The following FSD1 variants were observed in gnomAD, a reference collection of about 807,000 sequenced individuals.
FSD1 encodes the protein fibronectin type III and SPRY domain containing 1.
FSD1 carries 23 observed loss-of-function variants against 58.2 expected under a neutral mutation model. That is an observed-to-expected ratio of 0.40 (90% CI 0.28 to 0.56). The LOEUF is 0.56. Among genes scored for constraint, FSD1 ranks in the 20% least tolerant of loss-of-function variants. FSD1 has a pLI of 0.54. For synonymous variants in FSD1, 265 were observed against 263.4 expected, an observed-to-expected ratio of 1.01 and a Z score of -0.06; for missense variants, 563 against 670.8, an observed-to-expected ratio of 0.84 and a Z score of 1.78.
At position 4,308,726 on chromosome 19, in the gene FSD1, C is replaced by T. The variant is rs547250121; in HGVS notation, c.345+743C>T. Reference sequence around the variant, plus strand: ...CAAATAAATTAGCCGGGCGTGGTGGCGGGCACCTGTAGTTCCAGCTACTCG... The same window carrying T: ...CAAATAAATTAGCCGGGCGTGGTGGTGGGCACCTGTAGTTCCAGCTACTCG... On this transcript the variant is annotated intron_variant, in intron 4 of 12. Transcript: ENST00000221856. Among the ~76,000 whole-genome samples the T allele has an allele frequency of 6.5e-4, 99 of 151,936 alleles. 2 individuals carry two copies. Among genetic ancestry groups the T allele is most frequent in the South Asian group, 3.1e-3 (15 of 4,800 alleles).
At position 4,318,930 on chromosome 19, in the gene FSD1, G is replaced by T; in HGVS notation, c.1018G>T (p.Ala340Ser). The change falls in exon 10 of 13, where the codon GCT (alanine) becomes TCT (serine). Residue 340 changes from alanine to serine, a missense_variant. Ala to Ser is a moderately conservative substitution (Grantham distance 99, BLOSUM62 1). Transcript: ENST00000221856. ...TCGTGGGGGACGGGACCGCTTCACC[G>T]CTGAGTCCTACACAGTTCTGGGTAA... Reference protein sequence around the residue: ...SGRGGRDRFTAESYTVLGDTL... With the variant: ...SGRGGRDRFTSESYTVLGDTL... 6.2e-7 allele frequency: 1 copy of T among 1,613,358 alleles called. No homozygotes were observed.
In FSD1 at chr19:4,306,232, C is replaced by T; in HGVS notation, c.146C>T (p.Ala49Val). Residue 49 changes from alanine to valine, a missense_variant, in exon 3 of 13, where the codon GCA becomes GTA. Transcript: ENST00000221856. ...NSAKVQEDLE[A>V]EFQSLFSLLE... The stretch of plus-strand genomic sequence containing the variant: ...GCGAAGGTGCAGGAGGACCTCGAAG[C>T]AGAGTTCCAGTCCCTCTTCTCCCTC... 6.2e-7 allele frequency: 1 copy of T among 1,614,010 alleles called. No homozygotes were observed. Among genetic ancestry groups the T allele is most frequent in the Non-Finnish European group, 8.5e-7 (1 of 1,179,942 alleles).
intron 7 of FSD1, among the ~76,000 whole-genome samples, chr19:4,314,543 G>A (rs1971732180): frequency 6.7e-6 from 1 of 150,348 alleles, no homozygotes; most frequent in Non-Finnish European, 1.5e-5. Flanking sequence ...CTGGAGTGCA[G>A]TGGCCTGATC....
At chr19:4,319,424 T>A (rs1334887102) in intron 10 of FSD1, among the ~76,000 whole-genome samples, 3 of 152,084 alleles carry the variant, frequency 2.0e-5, no homozygotes, top group Non-Finnish European at 4.4e-5. Flanking sequence ...ATAAGAATGA[T>A]TGGATCCTGT....
At chr19:4,322,781 A>G (rs1232847872) in intron 10 of FSD1, among the ~76,000 whole-genome samples, 1 of 151,856 alleles carries the variant, frequency 6.6e-6, no homozygotes, top group Non-Finnish European at 1.5e-5. Flanking sequence ...ATCTGAAGGG[A>G]ATAGCTGGGG....
In FSD1 at chr19:4,323,326, T is replaced by C. The variant is rs780498419; in HGVS notation, c.1292-22T>C. ...ATCCCACTTCTGACCGGTCCCACTG[T>C]CACTCTGCCCCCCGACCCCAGGCCT... On this transcript the variant is annotated intron_variant, in intron 11 of 12. Transcript: ENST00000221856. The surrounding 1 kb of genome is among the most constrained non-coding windows in gnomAD (Gnocchi z 7.7). 11 of 1,611,332 alleles carry C rather than the reference T, an allele frequency of 6.8e-6. No homozygotes were observed. The Admixed American group carries it at 1.7e-4, about 24-fold the overall frequency.
intron 1 of FSD1, 53 bp from the exon 2 acceptor site, chr19:4,305,893 T>C: frequency 7.7e-7 from 1 of 1,296,064 alleles, no homozygotes; most frequent in African/African-American, 1.5e-5. Context: ...TGTGTACCTG[T>C]GTGCGCACAT....
At position 4,323,050 on chromosome 19, in the gene FSD1, G is replaced by T. The variant is rs575863653; in HGVS notation, c.1104G>T (p.Ala368=). 1 of 1,612,002 alleles carries T rather than the reference G, an allele frequency of 6.2e-7. No homozygotes were observed. The highest frequency in any genetic ancestry group is 2.2e-5 in the East Asian group (1 of 44,876). ...TGCGCTACGAGCCGGACAGCAAGGC[G>T]TTCGGCGTGGGCGTGGCCTACCGCA... is the stretch of plus-strand genomic sequence containing the variant. The part of the protein sequence containing the change: ...WEVRYEPDSK[A]FGVGVAYRSL... The change falls in exon 11 of 13, where the codon GCG becomes GCT. Residue 368 remains alanine (A), a synonymous_variant. Transcript: ENST00000221856. This position sits in a 1 kb window ranked among gnomAD's most constrained non-coding sequence, Gnocchi z 7.7.
intron 10 of FSD1, among the ~76,000 whole-genome samples, chr19:4,320,842 TGAG>T (rs1971806230): frequency 7.7e-6 from 1 of 130,574 alleles, no homozygotes; most frequent in Non-Finnish European, 1.6e-5. Flanking sequence ...TAGCTGGGAC[TGAG>T]GAGTGTCTGG....
chr19:4,318,827 G>C, intron 9 of FSD1, 45 bp from the exon 10 acceptor site: 1 of 1,493,514 alleles, frequency 6.7e-7, no homozygotes, highest in Non-Finnish European at 9.3e-7. Context: ...AGAGAGAAGT[G>C]TTGAACTGAG....
At chr19:4,318,107 G>A (rs1011610979) in intron 8 of FSD1, among the ~76,000 whole-genome samples, 1 of 151,642 alleles carries the variant, frequency 6.6e-6, no homozygotes, top group African/African-American at 2.4e-5. Context: ...TCCATGTTCT[G>A]TCCCCTCTAC....
At chr19:4,319,951 A>G (rs1427692268) in intron 10 of FSD1, among the ~76,000 whole-genome samples, 1 of 152,130 alleles carries the variant, frequency 6.6e-6, no homozygotes, top group Non-Finnish European at 1.5e-5. Context: ...TGGGTGAAGG[A>G]GTAGCTGAGA....
In FSD1 at chr19:4,317,207, G is replaced by T; in HGVS notation, c.726G>T (p.Met242Ile). 1.2e-6 allele frequency: 2 copies of T among 1,611,878 alleles called. No individual in the cohort carries two copies. The highest frequency in any genetic ancestry group is 2.2e-5 in the South Asian group (2 of 91,006). The change falls in exon 8 of 13, where the codon ATG (methionine) becomes ATT (isoleucine). Residue 242 changes from methionine to isoleucine, a missense_variant. Met to Ile is a conservative substitution (Grantham distance 10). Coordinates refer to ENST00000221856, the MANE Select transcript of FSD1 (RefSeq NM_024333.3). Reference protein sequence around the residue: ...LTGLKFDMKYMNFRVKACNKA... With the variant: ...LTGLKFDMKYINFRVKACNKA... ...GTCTCAAGTTTGACATGAAATACAT[G>T]AACTTCCGTGTGAAGGCCTGTAACA...
Position 4,305,935 on chromosome 19 carries a change from T to A in FSD1, c.16-11T>A. On this transcript the variant is annotated splice_polypyrimidine_tract_variant and intron_variant, in intron 1 of 12. Coordinates refer to ENST00000221856, the MANE Select transcript of FSD1 (RefSeq NM_024333.3). Reference sequence around the variant, plus strand: ...GTGCACCTGTGTGTGTCCACACTTCTGGTGGTGCAGGAGGCCCTGAGGAAG... The same window carrying A: ...GTGCACCTGTGTGTGTCCACACTTCAGGTGGTGCAGGAGGCCCTGAGGAAG... The A allele has an allele frequency of 6.2e-7, 1 of 1,608,144 alleles. No individual in the cohort carries two copies.
intron 8 of FSD1, 57 bp downstream of exon 8, chr19:4,317,337 C>T (rs993735323): frequency 5.9e-6 from 6 of 1,023,392 alleles, no homozygotes; most frequent in African/African-American, 3.1e-5. Context: ...CCTCCCACAG[C>T]CCCCAGAGAC....
chr19:4,306,370 A>G (rs1971622464), intron 3 of FSD1, 41 bp downstream of exon 3: 2 of 1,607,494 alleles, frequency 1.2e-6, no homozygotes, highest in South Asian at 1.1e-5. Flanking sequence ...CGCCCCTCCT[A>G]CTCAACAGAA....
chr19:4,312,134 C>T, intron 7 of FSD1, 83 bp downstream of exon 7: 2 of 1,228,880 alleles, frequency 1.6e-6, no homozygotes, highest in Non-Finnish European at 2.3e-6. Context: ...TCACTGGGGG[C>T]CTTGGGGACG....
chr19:4,309,163 G>A (rs1041752558), intron 4 of FSD1, among the ~76,000 whole-genome samples: 2 of 151,996 alleles, frequency 1.3e-5, no homozygotes, highest in African/African-American at 4.8e-5. Context: ...TGGGAGGATT[G>A]TTTGAGCTCC....
chr19:4,313,366 GA>G (rs77272729), intron 7 of FSD1, among the ~76,000 whole-genome samples: 231 of 138,808 alleles, frequency 1.7e-3, no homozygotes, highest in Middle Eastern at 3.7e-3. Flanking sequence ...GAAAAATAAA[GA>G]AAAAAAAAAA....
Sources: gnomAD v4.1 joint callset for allele counts (sites outside exome capture counted in the v4.1 genomes callset) on GRCh38, gnomAD v4.1.1 for gene constraint, Gnocchi (gnomAD v3.1) non-coding constraint, MANE v1.5 for transcripts, NCBI Gene and HGNC (gene_info 2026-07-23, HGNC 2026-07-21) for gene names.